SEMA3D: variants seen among roughly 807,000 people sequenced by gnomAD.
SEMA3D encodes the protein semaphorin 3D.
In SEMA3D, 84 loss-of-function variants were observed where a neutral mutation model predicts 100.1. The observed-to-expected ratio is 0.84, with a 90% CI of 0.70 to 1.01. SEMA3D has a LOEUF of 1.01. SEMA3D is among the 50% of genes least tolerant of loss of function. The pLI, the probability that SEMA3D is intolerant of heterozygous loss-of-function variation, is 0.00. For synonymous variants in SEMA3D, 312 were observed against 320.7 expected (o/e 0.97, Z 0.29); for missense variants, 875 against 934.1 (o/e 0.94, Z 0.82).
At chr7:85,110,716 C>A (rs762856070) in intron 3 of SEMA3D, among the ~76,000 whole-genome samples, 1 of 151,994 alleles carries the variant, frequency 6.6e-6, no homozygotes, top group African/African-American at 2.4e-5. Context: ...ACCAATTATT[C>A]TTCTTCTAGA....
At position 85,055,643 on chromosome 7, in the gene SEMA3D, TAC is replaced by T. The variant is rs1352100549; in HGVS notation, c.861+72_861+73del. On this transcript the variant is annotated intron_variant, in intron 9 of 18. Transcript: ENST00000284136. ...TAAACCTTGCCAAAGTTTTTTCATA[TAC>T]ATATATATATATATATATATATATA... 1.2e-3 allele frequency: 213 copies of T among 180,324 alleles called. 7 individuals carry two copies. The highest frequency in any genetic ancestry group is 9.3e-3 in the African/African-American group (199 of 21,338). The allele number at this position is 180,324 out of a possible 1,614,324, so 11.2% of individuals were successfully genotyped here.
chr7:85,197,274 T>C, the SEMA3D span, among the ~76,000 whole-genome samples: 802 of 152,266 alleles, frequency 5.3e-3, 11 homozygotes, highest in African/African-American at 0.018. Flanking sequence ...TTTAAATATC[T>C]GAATAGGAAA....
At chr7:85,104,485 T>G (rs1788849424) in intron 3 of SEMA3D, among the ~76,000 whole-genome samples, 1 of 152,092 alleles carries the variant, frequency 6.6e-6, no homozygotes, top group Non-Finnish European at 1.5e-5. Flanking sequence ...TGAAATAGTT[T>G]TGTTCTAAAA....
intron 3 of SEMA3D, among the ~76,000 whole-genome samples, chr7:85,110,236 T>G (rs1456955542): frequency 6.6e-6 from 1 of 152,004 alleles, no homozygotes; most frequent in East Asian, 1.9e-4. Context: ...CAATAATGTT[T>G]AGAGCAATGT....
intron 3 of SEMA3D, among the ~76,000 whole-genome samples, chr7:85,106,787 C>A (rs139436619): frequency 6.6e-6 from 1 of 152,118 alleles, no homozygotes; most frequent in East Asian, 1.9e-4. Context: ...CTTCACAGGG[C>A]AGCAGGATGA....
intron 9 of SEMA3D, among the ~76,000 whole-genome samples, chr7:85,044,719 C>T (rs960763990): frequency 5.3e-5 from 8 of 152,008 alleles, no homozygotes; most frequent in Admixed American, 1.3e-4. Context: ...TATACATATA[C>T]ATAATAGATA....
At chr7:85,170,258 C>T (rs1457329583) in intron 1 of SEMA3D, among the ~76,000 whole-genome samples, 1 of 151,838 alleles carries the variant, frequency 6.6e-6, no homozygotes, top group Non-Finnish European at 1.5e-5. Context: ...GATGCCTGTA[C>T]AAACCTATTT....
intron 4 of SEMA3D, among the ~76,000 whole-genome samples, chr7:85,089,709 A>G (rs1788327062): frequency 6.6e-6 from 1 of 151,974 alleles, no homozygotes; most frequent in South Asian, 2.1e-4. Context: ...ACATGGCAAC[A>G]CTCTGTCTCT....
At chr7:85,098,117 G>C in intron 3 of SEMA3D, 152 bp from the exon 4 acceptor site, 1 of 546,398 alleles carries the variant, frequency 1.8e-6, no homozygotes, top group Non-Finnish European at 3.0e-6. Context: ...GAGAAAGAAA[G>C]AAAGAATTAG....
the SEMA3D span, among the ~76,000 whole-genome samples, chr7:85,214,985 T>C: frequency 6.6e-6 from 1 of 152,140 alleles, no homozygotes; most frequent in South Asian, 2.1e-4. Context: ...TGTTTCCCTA[T>C]CAAGGTTATT....
intron 2 of SEMA3D, among the ~76,000 whole-genome samples, chr7:85,123,651 C>T (rs893171737): frequency 1.3e-5 from 2 of 152,024 alleles, no homozygotes; most frequent in Admixed American, 6.6e-5. Context: ...TTTTATGCTG[C>T]ATTTCTTCAT....
the SEMA3D span, among the ~76,000 whole-genome samples, chr7:85,199,623 A>C: frequency 2.6e-5 from 4 of 152,144 alleles, no homozygotes; most frequent in East Asian, 5.8e-4. Flanking sequence ...TTAGAATCAC[A>C]CCATTTTAAA....
intron 1 of SEMA3D, among the ~76,000 whole-genome samples, chr7:85,165,277 TA>T (rs5885454): frequency 0.65 from 97,443 of 149,550 alleles, 32,222 homozygotes; most frequent in East Asian, 0.9. Context: ...AATTAAATGG[TA>T]AAAAAAAAAA....
the SEMA3D span, among the ~76,000 whole-genome samples, chr7:85,211,618 A>G: frequency 6.6e-6 from 1 of 152,062 alleles, no homozygotes; most frequent in African/African-American, 2.4e-5. Context: ...TTCAGAAATA[A>G]AAGCCTAAAT....
chr7:85,023,441 G>A (rs76510322), intron 12 of SEMA3D, among the ~76,000 whole-genome samples: 156 of 151,898 alleles, frequency 1.0e-3, no homozygotes, highest in South Asian at 2.7e-3. Context: ...TGCAATTTAG[G>A]AAGGTACCTC....
chr7:85,106,637 C>G (rs1322603197), intron 3 of SEMA3D, among the ~76,000 whole-genome samples: 1 of 151,992 alleles, frequency 6.6e-6, no homozygotes, highest in Non-Finnish European at 1.5e-5. Flanking sequence ...CTCATGCCAT[C>G]TGTAGTAGTC....
At position 85,052,392 on chromosome 7, in the gene SEMA3D, C is replaced by T. The variant is rs1029726268; in HGVS notation, c.861+3325G>A. On this transcript the variant is annotated intron_variant, in intron 9 of 18. Coordinates refer to ENST00000284136, the MANE Select transcript of SEMA3D (RefSeq NM_001384900.1). Reference sequence around the variant, plus strand: ...ACCACTCTAATCTCAAAAGTCATTGCTCCCCAGACACATCCCTTGAATTCC... The same window carrying T: ...ACCACTCTAATCTCAAAAGTCATTGTTCCCCAGACACATCCCTTGAATTCC... 2.0e-5 allele frequency among the ~76,000 whole-genome samples: 3 copies of T among 152,022 alleles called. No individual in the cohort carries two copies. In the South Asian group the frequency reaches 6.2e-4, roughly 32 times the overall value.
intron 3 of SEMA3D, among the ~76,000 whole-genome samples, chr7:85,112,388 A>T (rs1044986714): frequency 1.3e-5 from 2 of 152,210 alleles, no homozygotes; most frequent in Admixed American, 6.5e-5. Flanking sequence ...CTTGTCAATG[A>T]ATATACGTTT....
At chr7:85,122,391 G>C (rs1789452547) in intron 2 of SEMA3D, among the ~76,000 whole-genome samples, 1 of 152,088 alleles carries the variant, frequency 6.6e-6, no homozygotes, top group African/African-American at 2.4e-5. Context: ...ATTAAGGACT[G>C]GCTTTGCTCA....
Sources: gnomAD v4.1 joint callset for allele counts (sites outside exome capture counted in the v4.1 genomes callset) on GRCh38, gnomAD v4.1.1 for gene constraint, MANE v1.5 for transcripts, NCBI Gene and HGNC (gene_info 2026-07-23, HGNC 2026-07-21) for gene names.